The following ZHX2 variants were observed in gnomAD, a reference collection of about 807,000 sequenced individuals.
ZHX2 encodes zinc fingers and homeoboxes protein 2.
In ZHX2, 6 loss-of-function variants were observed where a neutral mutation model predicts 21.9. The observed-to-expected ratio is 0.27, with a 90% CI of 0.15 to 0.54. The LOEUF (loss-of-function observed/expected upper bound fraction) is 0.54, where lower values mean the gene tolerates loss of function less well. ZHX2 is among the 20% of genes least tolerant of loss of function. The pLI is 0.95. For synonymous variants in ZHX2, 434 were observed against 437.1 expected, an observed-to-expected ratio of 0.99 and a Z score of 0.09; for missense variants, 908 against 1,090.7, an observed-to-expected ratio of 0.83 and a Z score of 2.36.
At chr8:122,844,595 G>A (rs1245713670) in intron 1 of ZHX2, among the ~76,000 whole-genome samples, 2 of 152,222 alleles carry the variant, frequency 1.3e-5, no homozygotes, top group Non-Finnish European at 2.9e-5. Context: ...GTGAAGTGAC[G>A]AGGGAGGTAG....
intron 2 of ZHX2, among the ~76,000 whole-genome samples, chr8:122,902,862 C>T (rs1420167341): frequency 6.6e-6 from 1 of 152,206 alleles, no homozygotes; most frequent in Non-Finnish European, 1.5e-5. Flanking sequence ...ACAAGTCTGC[C>T]ATGAGCCCAA....
At chr8:122,867,037 T>C (rs1334602921) in intron 2 of ZHX2, among the ~76,000 whole-genome samples, 1 of 151,704 alleles carries the variant, frequency 6.6e-6, no homozygotes, top group Non-Finnish European at 1.5e-5. Context: ...TTCACCATGT[T>C]GGCCAGGCGG....
chr8:122,834,462 C>T (rs1818453171), intron 1 of ZHX2, among the ~76,000 whole-genome samples: 1 of 152,208 alleles, frequency 6.6e-6, no homozygotes. Context: ...AAACAGGCGC[C>T]AGGTGGAGGT....
At chr8:122,905,347 A>C (rs1820321628) in intron 2 of ZHX2, among the ~76,000 whole-genome samples, 1 of 152,218 alleles carries the variant, frequency 6.6e-6, no homozygotes, top group Non-Finnish European at 1.5e-5. Flanking sequence ...TTCTAATCAG[A>C]AACCATGAAG....
chr8:122,953,338 G>C lies in ZHX2; in HGVS notation c.1828G>C (p.Ala610Pro). The change falls in exon 3 of 4, where the codon GCT becomes CCT. Residue 610 changes from alanine to proline, a missense_variant. Physicochemically the swap from Ala to Pro is conservative, Grantham distance 27. Around this residue, in one of 4 missense-constraint regions of ZHX2, gnomAD observed 431 missense variants for 428.6 expected, o/e 1.01. Coordinates refer to ENST00000314393, the MANE Select transcript of ZHX2 (RefSeq NM_014943.5). The surrounding 1 kb of genome is among the most constrained non-coding windows in gnomAD (Gnocchi z 4.6). ...CCAAGATGTGGGAGCCCCCAATGGT[G>C]CTCTGTCTCGACTCGACCAGCTCTC... Reference protein sequence around the residue: ...KGQDVGAPNGALSRLDQLSGA... With the variant: ...KGQDVGAPNGPLSRLDQLSGA... 6.2e-7 allele frequency: 1 copy of C among 1,614,076 alleles called. No homozygotes were observed. The highest frequency in any genetic ancestry group is 8.5e-7 in the Non-Finnish European group (1 of 1,180,032).
chr8:122,791,001 G>A (rs1399077489), intron 1 of ZHX2, among the ~76,000 whole-genome samples: 1 of 152,232 alleles, frequency 6.6e-6, no homozygotes, highest in African/African-American at 2.4e-5. Context: ...AGGCAGGCTT[G>A]TGCCACACTG....
intron 1 of ZHX2, among the ~76,000 whole-genome samples, chr8:122,827,949 C>CA (rs1299445082): frequency 3.3e-5 from 5 of 152,026 alleles, no homozygotes; most frequent in Non-Finnish European, 7.4e-5. Flanking sequence ...CCTGCCTCTA[C>CA]AAAAAAATTT....
intron 2 of ZHX2, among the ~76,000 whole-genome samples, chr8:122,901,694 C>T (rs1030663233): frequency 4.6e-5 from 7 of 152,064 alleles, no homozygotes; most frequent in African/African-American, 1.4e-4. Flanking sequence ...CATTTGGGGC[C>T]GGTTAGTTCT....
At chr8:122,815,954 C>T (rs1020005526) in intron 1 of ZHX2, among the ~76,000 whole-genome samples, 3 of 151,918 alleles carry the variant, frequency 2.0e-5, no homozygotes, top group Non-Finnish European at 4.4e-5. Context: ...GTGGCGCACA[C>T]CTGCAGTCCC....
chr8:122,802,583 G>A (rs1817740307), intron 1 of ZHX2, among the ~76,000 whole-genome samples: 3 of 152,220 alleles, frequency 2.0e-5, no homozygotes, highest in Admixed American at 2.0e-4. Flanking sequence ...TCCGTGGAAA[G>A]CCCGCATGGT....
At chr8:122,938,238 T>C (rs952785123) in intron 2 of ZHX2, among the ~76,000 whole-genome samples, 3 of 152,124 alleles carry the variant, frequency 2.0e-5, no homozygotes, top group Non-Finnish European at 2.9e-5. Context: ...CAGTTTATGT[T>C]TCCTGGTTTT....
At chr8:122,956,121 A>T (rs1423215715) in intron 3 of ZHX2, among the ~76,000 whole-genome samples, 1 of 152,152 alleles carries the variant, frequency 6.6e-6, no homozygotes, top group Non-Finnish European at 1.5e-5. Flanking sequence ...CTGGGATTAC[A>T]GGCGTGAGCC....
At chr8:122,955,072 G>GGGA (rs1554589359) in intron 3 of ZHX2, among the ~76,000 whole-genome samples, 1 of 121,524 alleles carries the variant, frequency 8.2e-6, no homozygotes, top group African/African-American at 3.3e-5. Context: ...CATAAGCCGG[G>GGGA]GGGGGGGGGG....
chr8:122,872,407 G>A (rs1017679801), intron 2 of ZHX2, among the ~76,000 whole-genome samples: 4 of 152,286 alleles, frequency 2.6e-5, no homozygotes, highest in Admixed American at 2.0e-4. Flanking sequence ...TCAGGGGCAA[G>A]TTCCAACCAG....
At chr8:122,819,849 C>G (rs971481875) in intron 1 of ZHX2, among the ~76,000 whole-genome samples, 2 of 152,214 alleles carry the variant, frequency 1.3e-5, no homozygotes, top group Non-Finnish European at 2.9e-5. Context: ...CTTTCTCTCC[C>G]GTATCCTTAA....
At chr8:122,886,313 C>CAGG (rs1362671723) in intron 2 of ZHX2, among the ~76,000 whole-genome samples, 1 of 152,100 alleles carries the variant, frequency 6.6e-6, no homozygotes, top group Non-Finnish European at 1.5e-5. Context: ...TCAGTGTTGC[C>CAGG]AGGAGTTCAG....
intron 3 of ZHX2, 139 bp downstream of exon 3, chr8:122,954,167 A>G: frequency 1.3e-6 from 1 of 767,466 alleles, no homozygotes; most frequent in Admixed American, 3.1e-5. Context: ...ACAAATAAGA[A>G]TGATGTATAT....
At chr8:122,783,337 C>T (rs1449162574) in intron 1 of ZHX2, among the ~76,000 whole-genome samples, 2 of 152,080 alleles carry the variant, frequency 1.3e-5, no homozygotes, top group Non-Finnish European at 2.9e-5. Flanking sequence ...GAGTTCTTCC[C>T]CAACCTGCTC....
chr8:122,896,015 G>T (rs1378429752), intron 2 of ZHX2, among the ~76,000 whole-genome samples: 2 of 152,072 alleles, frequency 1.3e-5, no homozygotes, highest in East Asian at 3.8e-4. Flanking sequence ...TGGGCACTCT[G>T]TCTCAGCTAG....
Sources: gnomAD v4.1 joint callset for allele counts (sites outside exome capture counted in the v4.1 genomes callset) on GRCh38, gnomAD v4.1.1 for gene constraint, gnomAD v4.1.1 regional missense constraint, Gnocchi (gnomAD v3.1) non-coding constraint, MANE v1.5 for transcripts, NCBI Gene and HGNC (gene_info 2026-07-23, HGNC 2026-07-21) for gene names.